Variants in MALL observed in about 807,000 individuals in gnomAD.
MALL encodes mal, T cell differentiation protein like, also known as MAL-like protein.
Under a neutral mutation model 10.3 loss-of-function variants are expected in MALL, and 2 were observed. The observed-to-expected ratio is 0.19, with a 90% confidence interval of 0.08 to 0.61. MALL has a LOEUF of 0.61. Among genes scored for constraint, MALL ranks in the 20% least tolerant of loss-of-function variants. The probability of loss-of-function intolerance (pLI) is 0.88; values close to 1 mark genes in which losing one functional copy is unlikely to be tolerated. For missense variants in MALL, 39 were observed against 115.2 expected (o/e 0.34, Z 3.03); for synonymous variants, 27 against 51.8 (o/e 0.52, Z 2.05).
chr2:110,107,562 A>C (rs1449036560), intron 1 of MALL, among the ~76,000 whole-genome samples: 1 of 152,130 alleles, frequency 6.6e-6, no homozygotes, highest in African/African-American at 2.4e-5. Flanking sequence ...GTCTGAGCTC[A>C]TACATGCCTA....
At chr2:110,096,879 C>T (rs1678451952) in intron 1 of MALL, among the ~76,000 whole-genome samples, 1 of 117,508 alleles carries the variant, frequency 8.5e-6, no homozygotes, top group Non-Finnish European at 2.0e-5. Context: ...TTGATCAAAA[C>T]ATTAAATGCC....
upstream of MALL, chr2:110,116,284 C>T (rs1262788514): frequency 6.5e-6 from 1 of 153,564 alleles, no homozygotes; most frequent in Non-Finnish European, 1.4e-5. Flanking sequence ...GAGGTCAAGT[C>T]AAGACCACAG....
intron 1 of MALL, among the ~76,000 whole-genome samples, chr2:110,100,252 G>A (rs1195106725): frequency 1.3e-5 from 2 of 152,164 alleles, no homozygotes; most frequent in East Asian, 3.8e-4. Context: ...GCTGAGGTGG[G>A]AGGATTGCTT....
intron 1 of MALL, among the ~76,000 whole-genome samples, chr2:110,101,591 C>A (rs780844112): frequency 6.6e-6 from 1 of 152,100 alleles, no homozygotes; most frequent in African/African-American, 2.4e-5. Flanking sequence ...GCTGGCAGTG[C>A]GCCCGGCCTC....
At chr2:110,106,612 G>C (rs148862306) in intron 1 of MALL, among the ~76,000 whole-genome samples, 1 of 152,238 alleles carries the variant, frequency 6.6e-6, no homozygotes, top group African/African-American at 2.4e-5. Flanking sequence ...CACTAGTGGG[G>C]ATGTAAAACA....
chr2:110,095,161 T>C (rs1354407990), intron 1 of MALL, among the ~76,000 whole-genome samples: 8 of 152,152 alleles, frequency 5.3e-5, no homozygotes, highest in African/African-American at 1.9e-4. Flanking sequence ...GTTGGATTCC[T>C]TACAGTTGTG....
chr2:110,113,560 A>G, intron 1 of MALL, among the ~76,000 whole-genome samples: 1 of 151,890 alleles, frequency 6.6e-6, no homozygotes, highest in East Asian at 1.9e-4. Flanking sequence ...TACCACCTGT[A>G]CCCCAATAAT....
intron 1 of MALL, among the ~76,000 whole-genome samples, chr2:110,115,048 G>T (rs1430030432): frequency 6.6e-6 from 1 of 152,212 alleles, no homozygotes; most frequent in Admixed American, 6.5e-5. Context: ...CACAGCGACA[G>T]GTTCTCATTT....
At chr2:110,100,814 T>A (rs1431647260) in intron 1 of MALL, among the ~76,000 whole-genome samples, 2 of 151,952 alleles carry the variant, frequency 1.3e-5, no homozygotes, top group Admixed American at 6.5e-5. Context: ...GGGGTCTGGG[T>A]GGGAGTGGGA....
At chr2:110,097,397 T>G (rs1301774960) in intron 1 of MALL, 3 of 446,814 alleles carry the variant, frequency 6.7e-6, no homozygotes, top group Non-Finnish European at 1.3e-5. Context: ...AATATGTAAA[T>G]TTAAAAAGAA....
At chr2:110,109,857 A>C (rs777573596) in intron 1 of MALL, among the ~76,000 whole-genome samples, 13 of 152,210 alleles carry the variant, frequency 8.5e-5, no homozygotes, top group Non-Finnish European at 1.3e-4. Flanking sequence ...GAAAATTGAA[A>C]TTATATCAAG....
intron 1 of MALL, among the ~76,000 whole-genome samples, chr2:110,098,395 C>T (rs563228085): frequency 1.6e-4 from 25 of 152,126 alleles, no homozygotes; most frequent in African/African-American, 4.8e-4. Context: ...CTTCCCTCCC[C>T]GCAGTCCCTG....
In MALL at chr2:110,115,733, G is replaced by T; in HGVS notation, c.60C>A (p.Val20=). 5.4e-6 allele frequency: 7 copies of T among 1,292,558 alleles called. No individual in the cohort carries two copies. The highest frequency in any genetic ancestry group is 6.9e-6 in the Non-Finnish European group (7 of 1,012,690). The allele number at this position is 1,292,558 out of a possible 1,614,324, so 80.1% of individuals were successfully genotyped here. ...SYAPSDVPSG[V]ALFLTIPFAF... is the part of the protein sequence containing the mutation. ...CGAAAGGGATGGTGAGGAACAGCGC[G>T]ACCCCCGAGGGCACGTCGGACGGGG... The change falls in exon 1 of 4, where the codon GTC becomes GTA. Residue 20 remains valine, a synonymous_variant. Transcript: ENST00000272462.
At chr2:110,099,782 T>C (rs1286787518) in intron 1 of MALL, among the ~76,000 whole-genome samples, 3 of 152,076 alleles carry the variant, frequency 2.0e-5, no homozygotes, top group Non-Finnish European at 4.4e-5. Context: ...GCTCTGGCCA[T>C]TACTGTGCAG....
At chr2:110,115,434 G>T (rs1382597520) in intron 1 of MALL, among the ~76,000 whole-genome samples, 1 of 149,688 alleles carries the variant, frequency 6.7e-6, no homozygotes, top group African/African-American at 2.5e-5. Context: ...CTGTGCGCCC[G>T]GTGGGAGGCT....
At chr2:110,102,592 G>A (rs1293369222) in intron 1 of MALL, among the ~76,000 whole-genome samples, 2 of 152,208 alleles carry the variant, frequency 1.3e-5, no homozygotes, top group African/African-American at 4.8e-5. Flanking sequence ...CCATGGAAGT[G>A]GCATCGCCTG....
intron 1 of MALL, among the ~76,000 whole-genome samples, chr2:110,113,537 T>G (rs1427104155): frequency 6.7e-6 from 1 of 149,674 alleles, no homozygotes; most frequent in Non-Finnish European, 1.5e-5. Context: ...AAGAACTTAC[T>G]AATGTAACCA....
chr2:110,101,019 C>T (rs1299062882), intron 1 of MALL, among the ~76,000 whole-genome samples: 1 of 151,496 alleles, frequency 6.6e-6, no homozygotes, highest in Non-Finnish European at 1.5e-5. Context: ...GCTGGGTGCT[C>T]CTGGGCAGGG....
intron 1 of MALL, among the ~76,000 whole-genome samples, chr2:110,109,722 G>A (rs187969964): frequency 6.6e-6 from 1 of 152,084 alleles, no homozygotes; most frequent in Admixed American, 6.5e-5. Context: ...TGAAACAGGA[G>A]ATATTACAAC....
Sources: gnomAD v4.1 joint callset for allele counts (sites outside exome capture counted in the v4.1 genomes callset) on GRCh38, gnomAD v4.1.1 for gene constraint, MANE v1.5 for transcripts, NCBI Gene and HGNC (gene_info 2026-07-23, HGNC 2026-07-21) for gene names.